The following SCO1 variants were observed in gnomAD, a reference collection of about 807,000 sequenced individuals.
The protein encoded by SCO1 is synthesis of cytochrome C oxidase 1.
Under a neutral mutation model 34.0 loss-of-function variants are expected in SCO1, and 23 were observed. The ratio of observed to expected loss-of-function variants is 0.68; its 90% confidence interval spans 0.49 to 0.96. The LOEUF is 0.96. SCO1 is among the 40% of genes least tolerant of loss of function. The pLI is 0.00. For synonymous variants in SCO1, 161 were observed against 145.5 expected, an observed-to-expected ratio of 1.11 and a Z score of -0.77; for missense variants, 404 against 381.6, an observed-to-expected ratio of 1.06 and a Z score of -0.49.
At position 10,672,504 on chromosome 17, in the gene SCO1, T is replaced by C. The variant is rs2074553012; in HGVS notation, c.*8615A>G. 6.6e-6 allele frequency: 1 copy of C among 152,122 alleles called. No homozygotes were observed. The highest frequency in any genetic ancestry group is 6.6e-5 in the Admixed American group (1 of 15,256). 9.4% of individuals were successfully genotyped at this position (152,122 alleles called of 1,614,324 possible). ...TTTAAGTAAGGTTTATTGAGGTATG[T>C]ATATTACAATTCACCCTTTTAAAGT... On this transcript the variant is annotated 3_prime_UTR_variant, in exon 6 of 6. Transcript: ENST00000255390.
intron 1 of SCO1, among the ~76,000 whole-genome samples, chr17:10,696,071 T>TAAAAA (rs869243005): frequency 0.046 from 3,351 of 72,972 alleles, 727 homozygotes; most frequent in African/African-American, 0.14. Flanking sequence ...TTCATGTAAA[T>TAAAAA]AAAAAAAAAA....
chr17:10,693,792 C>T (rs1311351987), intron 2 of SCO1, among the ~76,000 whole-genome samples: 2 of 152,162 alleles, frequency 1.3e-5, no homozygotes, highest in Non-Finnish European at 1.5e-5. Context: ...ATATTGGAGA[C>T]GTGTCAAAGA....
Position 10,676,600 on chromosome 17 carries a change from A to G in SCO1, c.*4519T>C, listed in dbSNP as rs894482742. On this transcript the variant is annotated 3_prime_UTR_variant, in exon 6 of 6. Coordinates refer to ENST00000255390, the MANE Select transcript of SCO1 (RefSeq NM_004589.4). ...ATAAAAAGGAAAAAAAGAAAACTCA[A>G]GTTTTCTTTCGGTTAAATACCCACA... is the stretch of plus-strand genomic sequence containing the variant. 4 of 152,186 alleles carry G rather than the reference A, an allele frequency of 2.6e-5. No individual in the cohort carries two copies. The highest frequency in any genetic ancestry group is 5.9e-5 in the Non-Finnish European group (4 of 68,030). The allele number at this position is 152,186 out of a possible 1,614,324, so 9.4% of individuals were successfully genotyped here.
Position 10,676,086 on chromosome 17 carries a change from G to GA in SCO1, c.*5032_*5033insT, listed in dbSNP as rs2074578386. The GA allele has an allele frequency of 6.6e-6, 1 of 152,082 alleles. No individual in the cohort carries two copies. The highest frequency in any genetic ancestry group is 2.1e-4 in the South Asian group (1 of 4,818). The allele number at this position is 152,082 out of a possible 1,614,324, so 9.4% of individuals were successfully genotyped here. A position where few individuals can be genotyped will look rare whatever the true frequency, so the allele number is the denominator to read the frequency against. On this transcript the variant is annotated 3_prime_UTR_variant, in exon 6 of 6. Coordinates refer to ENST00000255390, the MANE Select transcript of SCO1 (RefSeq NM_004589.4). ...TTGCTGTGCTGATGAAACTGTGGTTGTTTTTTTCTTTCTTTCTTTTTTGTT... is the reference window on the plus strand; with the variant it reads ...TTGCTGTGCTGATGAAACTGTGGTTGATTTTTTTCTTTCTTTCTTTTTTGTT...
chr17:10,683,750 T>C (rs2074636736), intron 5 of SCO1, among the ~76,000 whole-genome samples: 1 of 150,588 alleles, frequency 6.6e-6, no homozygotes, highest in South Asian at 2.1e-4. Flanking sequence ...ATATATATAA[T>C]ACAATAATGT....
chr17:10,683,396 A>C (rs1251450441), intron 5 of SCO1, among the ~76,000 whole-genome samples: 1 of 152,192 alleles, frequency 6.6e-6, no homozygotes, highest in African/African-American at 2.4e-5. Flanking sequence ...TATAGGATAA[A>C]GTCCAAAAAG....
rs774741261 is a variant in SCO1, at chr17:10,697,363, C to T, written c.145G>A (p.Ala49Thr). ...CGCCCCGAGGCACGCCACGCCTCCG[C>T]TTGCCGCGCGCAGAACTGCCTCAGC... ...VLLRQFCARQAEAWRASGRPG... is the reference protein window; with the variant it reads ...VLLRQFCARQTEAWRASGRPG... Residue 49 changes from alanine (A) to threonine (T), a missense_variant, in exon 1 of 6, where the codon GCG (alanine) becomes ACG (threonine). Ala to Thr is a moderately conservative substitution (Grantham distance 58). Coordinates refer to ENST00000255390, the MANE Select transcript of SCO1 (RefSeq NM_004589.4). 6.3e-7 allele frequency: 1 copy of T among 1,593,758 alleles called. No individual in the cohort carries two copies. Among genetic ancestry groups the T allele is most frequent in the South Asian group, 1.1e-5 (1 of 88,714 alleles).
intron 1 of SCO1, among the ~76,000 whole-genome samples, 182 bp downstream of exon 1, chr17:10,697,053 G>A (rs1263739216): frequency 1.3e-5 from 2 of 151,918 alleles, no homozygotes; most frequent in African/African-American, 4.8e-5. Flanking sequence ...GTGGAGAACT[G>A]GGACTACCCG....
At chr17:10,693,831 G>A (rs1360742878) in intron 2 of SCO1, among the ~76,000 whole-genome samples, 4 of 152,188 alleles carry the variant, frequency 2.6e-5, no homozygotes, top group African/African-American at 9.7e-5. Flanking sequence ...GGGGGCTCCC[G>A]CTGATCAATC....
At chr17:10,692,643 AT>A in intron 3 of SCO1, 120 bp downstream of exon 3, 1 of 820,702 alleles carries the variant, frequency 1.2e-6, no homozygotes, top group Non-Finnish European at 2.0e-6. Flanking sequence ...AAATGCTGAG[AT>A]TTTATGTTCT....
At position 10,691,472 on chromosome 17, in the gene SCO1, T is replaced by C. The variant is rs563045883; in HGVS notation, c.655+400A>G. Among the ~76,000 whole-genome samples, 472 of 152,364 alleles carry C rather than the reference T, an allele frequency of 3.1e-3. 6 individuals carry two copies. Among genetic ancestry groups the C allele is most frequent in the African/African-American group, 0.011 (457 of 41,588 alleles). ...ATGCACTGAGTTCAAAATATGTTTG[T>C]ATTTAATTATTCATCTTTAATCTAC... is the stretch of plus-strand genomic sequence containing the variant. On this transcript the variant is annotated intron_variant, in intron 4 of 5. Transcript: ENST00000255390.
At chr17:10,694,115 G>A (rs2074707646) in intron 2 of SCO1, among the ~76,000 whole-genome samples, 1 of 152,216 alleles carries the variant, frequency 6.6e-6, no homozygotes, top group Non-Finnish European at 1.5e-5. Flanking sequence ...CTGACCAGAT[G>A]CACGGAGAAT....
intron 2 of SCO1, among the ~76,000 whole-genome samples, chr17:10,694,280 G>A (rs557006255): frequency 1.3e-5 from 2 of 152,280 alleles, no homozygotes; most frequent in East Asian, 3.9e-4. Flanking sequence ...GTTAAAGCCT[G>A]GGAAACTGTT....
intron 4 of SCO1, 72 bp from the exon 5 acceptor site, chr17:10,686,914 T>A: frequency 1.0e-6 from 1 of 970,152 alleles, no homozygotes; most frequent in Non-Finnish European, 1.7e-6. Flanking sequence ...TCAAAAAATG[T>A]ATCAGTTGTA....
intron 4 of SCO1, 24 bp from the exon 5 acceptor site, chr17:10,686,866 G>A: frequency 1.3e-6 from 2 of 1,494,966 alleles, no homozygotes; most frequent in African/African-American, 1.4e-5. Flanking sequence ...GAGAGAGACA[G>A]TGAAAAATGA....
chr17:10,681,375 A>G (rs2074621163), intron 5 of SCO1, 122 bp from the exon 6 acceptor site: 8 of 1,077,248 alleles, frequency 7.4e-6, no homozygotes, highest in South Asian at 1.3e-5. Flanking sequence ...TACAGCATCT[A>G]TTATTTATGG....
rs2074581427 is a variant in SCO1, at chr17:10,676,472, G to C, written c.*4647C>G. The C allele has an allele frequency of 6.6e-6, 1 of 152,156 alleles. No individual in the cohort carries two copies. The highest frequency in any genetic ancestry group is 2.1e-4 in the South Asian group (1 of 4,828). 9.4% of individuals were successfully genotyped at this position (152,156 alleles called of 1,614,324 possible). On this transcript the variant is annotated 3_prime_UTR_variant, in exon 6 of 6. Coordinates refer to ENST00000255390, the MANE Select transcript of SCO1 (RefSeq NM_004589.4). The stretch of plus-strand genomic sequence containing the variant: ...ATGGGCTGGGGTGGCAGTGGGTGGG[G>C]GGGTGCAGACAAAATTAAATGGTGG...
At chr17:10,687,449 G>A (rs1030847863) in intron 4 of SCO1, among the ~76,000 whole-genome samples, 3 of 152,192 alleles carry the variant, frequency 2.0e-5, no homozygotes, top group Admixed American at 6.5e-5. Flanking sequence ...TAAGTGAACC[G>A]GTAGAGGTCA....
At chr17:10,697,135 G>A in intron 1 of SCO1, 100 bp downstream of exon 1, 1 of 1,156,662 alleles carries the variant, frequency 8.6e-7, no homozygotes, top group Non-Finnish European at 1.2e-6. Flanking sequence ...AACTTTAGGG[G>A]AGGCGGAGTA....
Sources: allele counts gnomAD v4.1 joint callset (sites outside exome capture counted in the v4.1 genomes callset), GRCh38; gene constraint gnomAD v4.1.1; transcripts MANE v1.5; gene names NCBI Gene and HGNC (gene_info 2026-07-23, HGNC 2026-07-21).